HS6ST3: variants seen among roughly 807,000 people sequenced by gnomAD.
HS6ST3 encodes the protein heparan sulfate 6-O-sulfotransferase 3.
In HS6ST3, 12 loss-of-function variants were observed where a neutral mutation model predicts 36.7. That is an observed-to-expected ratio of 0.33 (90% confidence interval 0.21 to 0.53). HS6ST3 has a LOEUF of 0.53. Among genes scored for constraint, HS6ST3 ranks in the 20% least tolerant of loss-of-function variants. HS6ST3 has a pLI of 0.95. For missense variants in HS6ST3, 584 were observed against 640.9 expected (o/e 0.91, Z 0.96); for synonymous variants, 240 against 257.5 (o/e 0.93, Z 0.65).
intron 1 of HS6ST3, among the ~76,000 whole-genome samples, chr13:96,224,804 C>T (rs1302927152): frequency 2.0e-5 from 3 of 152,218 alleles, no homozygotes; most frequent in African/African-American, 7.2e-5. Flanking sequence ...AGTGATCCTT[C>T]TACAGGATTC....
intron 1 of HS6ST3, among the ~76,000 whole-genome samples, chr13:96,155,269 G>T (rs554628222): frequency 6.6e-6 from 1 of 152,192 alleles, no homozygotes; most frequent in South Asian, 2.1e-4. Context: ...GTGGTATCAT[G>T]ATTCTATTTC....
At chr13:96,098,207 T>C (rs2053800821) in intron 1 of HS6ST3, among the ~76,000 whole-genome samples, 1 of 152,194 alleles carries the variant, frequency 6.6e-6, no homozygotes, top group Non-Finnish European at 1.5e-5. Flanking sequence ...CTTGAAAAGG[T>C]TAATGTAATC....
chr13:96,108,655 GCCGAC>G, intron 1 of HS6ST3, among the ~76,000 whole-genome samples: 1 of 152,002 alleles, frequency 6.6e-6, no homozygotes. Context: ...TCTCAGACCA[GCCGAC>G]ACTTAGGGAA....
intron 1 of HS6ST3, among the ~76,000 whole-genome samples, chr13:96,596,650 C>G (rs556248317): frequency 2.6e-5 from 4 of 151,884 alleles, no homozygotes; most frequent in African/African-American, 7.2e-5. Flanking sequence ...TTAATAATGG[C>G]CATTATGCTA....
intron 1 of HS6ST3, among the ~76,000 whole-genome samples, chr13:96,505,622 C>T (rs2056023156): frequency 6.6e-6 from 1 of 152,064 alleles, no homozygotes. Context: ...ATTTACTTGT[C>T]TTCATTTGTT....
chr13:96,778,956 T>G (rs1877459746), intron 1 of HS6ST3, among the ~76,000 whole-genome samples: 1 of 152,180 alleles, frequency 6.6e-6, no homozygotes, highest in Non-Finnish European at 1.5e-5. Flanking sequence ...AAAGAAAATG[T>G]GGCACATATA....
At chr13:96,466,787 T>C (rs1952342) in intron 1 of HS6ST3, among the ~76,000 whole-genome samples, 125,443 of 152,038 alleles carry the variant, frequency 0.83, 53,515 homozygotes, top group Non-Finnish European at 0.95. Context: ...GTCAATTATA[T>C]TTTAATAGAG....
At chr13:96,786,579 T>G (rs1877658005) in intron 1 of HS6ST3, among the ~76,000 whole-genome samples, 1 of 152,166 alleles carries the variant, frequency 6.6e-6, no homozygotes, top group African/African-American at 2.4e-5. Context: ...CACTAAATTA[T>G]AAGGATCTCC....
intron 1 of HS6ST3, among the ~76,000 whole-genome samples, chr13:96,527,846 C>T (rs1019285198): frequency 6.6e-6 from 1 of 152,096 alleles, no homozygotes; most frequent in Admixed American, 6.6e-5. Context: ...AACTCACAGA[C>T]CCCTGGAGAT....
At chr13:96,368,783 A>G (rs1366372356) in intron 1 of HS6ST3, among the ~76,000 whole-genome samples, 2 of 152,128 alleles carry the variant, frequency 1.3e-5, no homozygotes, top group Non-Finnish European at 2.9e-5. Context: ...ATTCAACTGG[A>G]GTAAGTTAGT....
intron 1 of HS6ST3, among the ~76,000 whole-genome samples, chr13:96,106,208 A>G (rs1414883812): frequency 2.6e-5 from 4 of 152,240 alleles, no homozygotes; most frequent in South Asian, 2.1e-4. Context: ...GTGAAGCTTA[A>G]TGCATCCCTT....
chr13:96,510,880 A>G (rs935277149), intron 1 of HS6ST3, among the ~76,000 whole-genome samples: 19 of 152,066 alleles, frequency 1.2e-4, no homozygotes, highest in African/African-American at 4.3e-4. Flanking sequence ...CATAAGTGAC[A>G]TTGTGCTAAA....
At chr13:96,455,608 A>G (rs1341549466) in intron 1 of HS6ST3, among the ~76,000 whole-genome samples, 1 of 152,176 alleles carries the variant, frequency 6.6e-6, no homozygotes, top group East Asian at 1.9e-4. Flanking sequence ...GTCTCCAGCC[A>G]CTAATTGATA....
intron 1 of HS6ST3, among the ~76,000 whole-genome samples, chr13:96,150,864 C>G (rs1035932965): frequency 6.6e-6 from 1 of 152,094 alleles, no homozygotes; most frequent in African/African-American, 2.4e-5. Context: ...ATGTACTAAA[C>G]TATATAACTG....
chr13:96,713,452 A>G (rs1347726814), intron 1 of HS6ST3, among the ~76,000 whole-genome samples: 1 of 152,182 alleles, frequency 6.6e-6, no homozygotes, highest in Non-Finnish European at 1.5e-5. Flanking sequence ...GCAAGGCTTA[A>G]TGGCTCCAAA....
chr13:96,781,884 C>T (rs1311311307), intron 1 of HS6ST3, among the ~76,000 whole-genome samples: 1 of 152,060 alleles, frequency 6.6e-6, no homozygotes, highest in East Asian at 1.9e-4. Flanking sequence ...TGTTTATTGG[C>T]ATTGTTATTA....
At chr13:96,508,002 A>G (rs916194697) in intron 1 of HS6ST3, among the ~76,000 whole-genome samples, 1 of 152,110 alleles carries the variant, frequency 6.6e-6, no homozygotes, top group African/African-American at 2.4e-5. Context: ...TTAAGAGTTG[A>G]AATTACAATG....
intron 1 of HS6ST3, among the ~76,000 whole-genome samples, chr13:96,307,045 G>C (rs570794056): frequency 6.6e-6 from 1 of 152,232 alleles, no homozygotes; most frequent in East Asian, 1.9e-4. Context: ...TGATTTAATA[G>C]CAGTATGACC....
At chr13:96,263,474 C>T (rs2054676438) in intron 1 of HS6ST3, among the ~76,000 whole-genome samples, 1 of 152,080 alleles carries the variant, frequency 6.6e-6, no homozygotes, top group Non-Finnish European at 1.5e-5. Context: ...ATAAATGAAT[C>T]ATAATATTTA....
Sources: gnomAD v4.1 joint callset for allele counts (sites outside exome capture counted in the v4.1 genomes callset) on GRCh38, gnomAD v4.1.1 for gene constraint, MANE v1.5 for transcripts, NCBI Gene and HGNC (gene_info 2026-07-23, HGNC 2026-07-21) for gene names.